CDK14: variants seen among roughly 807,000 people sequenced by gnomAD.
CDK14 encodes cyclin-dependent kinase 14.
In CDK14, 34 loss-of-function variants were observed where a neutral mutation model predicts 60.7. That is an observed-to-expected ratio of 0.56 (90% CI 0.43 to 0.75). CDK14 has a LOEUF of 0.75. Among genes scored for constraint, CDK14 ranks in the 30% least tolerant of loss-of-function variants. CDK14 has a pLI of 0.00. For synonymous variants in CDK14, 197 were observed against 203.7 expected (o/e 0.97, Z 0.28); for missense variants, 482 against 564.1 (o/e 0.85, Z 1.47).
At chr7:90,815,620 A>G (rs1009104311) in intron 5 of CDK14, among the ~76,000 whole-genome samples, 8 of 152,212 alleles carry the variant, frequency 5.3e-5, no homozygotes, top group East Asian at 1.9e-4. Flanking sequence ...ATACACACAT[A>G]TGTTTATTGT....
intron 2 of CDK14, among the ~76,000 whole-genome samples, chr7:90,697,184 A>G (rs1043772749): frequency 6.6e-6 from 1 of 152,230 alleles, no homozygotes; most frequent in African/African-American, 2.4e-5. Flanking sequence ...GAATCAAGGT[A>G]GATTTAAAGT....
intron 10 of CDK14, among the ~76,000 whole-genome samples, chr7:91,032,609 T>C (rs1796792825): frequency 6.6e-6 from 1 of 151,994 alleles, no homozygotes; most frequent in South Asian, 2.1e-4. Flanking sequence ...GAGTGATGCA[T>C]CCACAAGCCA....
At chr7:90,949,498 G>A (rs989451946) in intron 8 of CDK14, among the ~76,000 whole-genome samples, 11 of 151,964 alleles carry the variant, frequency 7.2e-5, no homozygotes, top group African/African-American at 1.9e-4. Flanking sequence ...CACTGCGCCC[G>A]GCCAAATGAA....
At chr7:91,033,076 G>A (rs746208003) in intron 10 of CDK14, among the ~76,000 whole-genome samples, 17 of 152,136 alleles carry the variant, frequency 1.1e-4, no homozygotes, top group Admixed American at 4.6e-4. Flanking sequence ...TGACATACGC[G>A]TGAGGATTTT....
intron 3 of CDK14, among the ~76,000 whole-genome samples, chr7:90,728,797 TG>T (rs1366692808): frequency 6.6e-6 from 1 of 152,126 alleles, no homozygotes; most frequent in Non-Finnish European, 1.5e-5. Context: ...GCTCTGTGCC[TG>T]GGTGGCTTGT....
chr7:90,881,265 T>A (rs1405764353), intron 6 of CDK14, among the ~76,000 whole-genome samples: 1 of 152,084 alleles, frequency 6.6e-6, no homozygotes, highest in Non-Finnish European at 1.5e-5. Context: ...CTGATGGAGC[T>A]GAAAAACACC....
At chr7:91,156,336 G>A (rs1800981737) in intron 14 of CDK14, among the ~76,000 whole-genome samples, 2 of 152,086 alleles carry the variant, frequency 1.3e-5, no homozygotes, top group Admixed American at 6.5e-5. Context: ...ATTAAATTTG[G>A]CTTAAACTGT....
intron 7 of CDK14, among the ~76,000 whole-genome samples, chr7:90,910,057 A>G (rs73225051): frequency 0.017 from 2,615 of 152,290 alleles, 35 homozygotes; most frequent in South Asian, 0.039. Context: ...CTTAGCATGA[A>G]TGCTTGTGTC....
At chr7:90,861,753 T>C (rs970396475) in intron 5 of CDK14, among the ~76,000 whole-genome samples, 8 of 152,034 alleles carry the variant, frequency 5.3e-5, no homozygotes, top group Non-Finnish European at 1.2e-4. Context: ...AAAAAGTACA[T>C]AGAAGAGGGC....
intron 1 of CDK14, among the ~76,000 whole-genome samples, chr7:90,601,954 G>C (rs547776254): frequency 4.6e-5 from 7 of 151,678 alleles, no homozygotes; most frequent in Non-Finnish European, 4.4e-5. Context: ...ATGTATGTAT[G>C]TATGTATGTA....
intron 12 of CDK14, among the ~76,000 whole-genome samples, chr7:91,082,788 C>T (rs112791811): frequency 2.6e-5 from 4 of 152,142 alleles, no homozygotes; most frequent in Middle Eastern, 3.4e-3. Flanking sequence ...AAATAATATT[C>T]GGAGGAATAA....
At chr7:91,171,114 C>T (rs1430146657) in intron 14 of CDK14, among the ~76,000 whole-genome samples, 1 of 152,068 alleles carries the variant, frequency 6.6e-6, no homozygotes, top group African/African-American at 2.4e-5. Context: ...CTGTGGGAGG[C>T]CGAGGCAGGC....
At chr7:90,942,159 G>A (rs1793955000) in intron 8 of CDK14, among the ~76,000 whole-genome samples, 2 of 152,102 alleles carry the variant, frequency 1.3e-5, no homozygotes, top group South Asian at 4.1e-4. Context: ...TATTTCCTGT[G>A]CATCTCTCTC....
At chr7:90,691,063 A>G (rs1419552556) in intron 2 of CDK14, among the ~76,000 whole-genome samples, 2 of 152,160 alleles carry the variant, frequency 1.3e-5, no homozygotes, top group Non-Finnish European at 1.5e-5. Context: ...ATTACTTGAA[A>G]ATATTTTATA....
chr7:90,716,820 A>C (rs951553475), intron 2 of CDK14, among the ~76,000 whole-genome samples: 2 of 152,094 alleles, frequency 1.3e-5, no homozygotes, highest in Non-Finnish European at 2.9e-5. Flanking sequence ...CTACAATCAC[A>C]ATCTCTTATT....
At chr7:91,056,348 A>T (rs1584270790) in intron 11 of CDK14, among the ~76,000 whole-genome samples, 1 of 151,156 alleles carries the variant, frequency 6.6e-6, no homozygotes, top group Middle Eastern at 3.4e-3. Flanking sequence ...TTGGAAGCAC[A>T]GAGAACAGCA....
chr7:91,150,272 G>A (rs189851611), intron 14 of CDK14, among the ~76,000 whole-genome samples: 33 of 152,094 alleles, frequency 2.2e-4, no homozygotes, highest in Admixed American at 7.3e-4. Flanking sequence ...GGGACATTTC[G>A]TGTTTAAAAT....
chr7:90,874,690 G>A (rs1308035372), intron 6 of CDK14, among the ~76,000 whole-genome samples: 9 of 149,746 alleles, frequency 6.0e-5, no homozygotes, highest in Admixed American at 2.7e-4. Context: ...CACCGTGCCC[G>A]GCTAATTTTT....
intron 10 of CDK14, among the ~76,000 whole-genome samples, chr7:91,011,017 T>A (rs1432941133): frequency 6.6e-6 from 1 of 151,826 alleles, no homozygotes; most frequent in Non-Finnish European, 1.5e-5. Flanking sequence ...TAGCTCTAGG[T>A]TTTTTGTCGA....
Sources: allele counts gnomAD v4.1 joint callset (sites outside exome capture counted in the v4.1 genomes callset), GRCh38; gene constraint gnomAD v4.1.1; transcripts MANE v1.5; gene names NCBI Gene and HGNC (gene_info 2026-07-23, HGNC 2026-07-21).